Variants in C16orf74 observed in about 807,000 individuals in gnomAD.
C16orf74 encodes the protein calcimembrin.
In C16orf74, 10 loss-of-function variants were observed where a neutral mutation model predicts 6.5. That is an observed-to-expected ratio of 1.54 (90% confidence interval 0.95 to 2.61). C16orf74 has a LOEUF of 2.61. C16orf74 is among the 30% of genes most tolerant of loss of function. The probability of loss-of-function intolerance (pLI) is 0.00; values close to 1 mark genes in which losing one functional copy is unlikely to be tolerated. For missense variants in C16orf74, 141 were observed against 105.9 expected (o/e 1.33, Z -1.45); for synonymous variants, 60 against 42.5 (o/e 1.41, Z -1.60).
intron 2 of C16orf74, among the ~76,000 whole-genome samples, chr16:85,712,027 T>C (rs561093618): frequency 2.0e-5 from 3 of 152,204 alleles, no homozygotes; most frequent in East Asian, 3.9e-4. Context: ...ATAAAAGACA[T>C]TGCAACTTCC....
Position 85,710,984 on chromosome 16 carries a change from C to G in C16orf74, c.29-677G>C, listed in dbSNP as rs985550946. 1.3e-5 allele frequency: 2 copies of G among 152,244 alleles called. 1 individual carries two copies. Among genetic ancestry groups the G allele is most frequent in the African/African-American group, 4.8e-5 (2 of 41,458 alleles). 9.4% of individuals were successfully genotyped at this position (152,244 alleles called of 1,614,324 possible). ...TCATCTGTGTTTCCCTTGAGCCTAG[C>G]GCATGCTCGAGACAGAGTAAGTAGG... On this transcript the variant is annotated intron_variant, in intron 2 of 3. Coordinates refer to ENST00000284245, the MANE Select transcript of C16orf74 (RefSeq NM_206967.3).
At chr16:85,709,493 A>ATGT (rs1555582905) in intron 3 of C16orf74, among the ~76,000 whole-genome samples, 18 of 84,446 alleles carry the variant, frequency 2.1e-4, no homozygotes, top group African/African-American at 7.2e-4. Context: ...ACCATCCCCA[A>ATGT]TGTTATTATT....
intron 1 of C16orf74, among the ~76,000 whole-genome samples, chr16:85,739,769 T>C (rs2054282625): frequency 6.6e-6 from 1 of 152,054 alleles, no homozygotes; most frequent in African/African-American, 2.4e-5. Flanking sequence ...GTCACTGCAC[T>C]ACCTGGGAGA....
intron 2 of C16orf74, among the ~76,000 whole-genome samples, chr16:85,722,694 C>T (rs1377510769): frequency 6.6e-6 from 1 of 152,072 alleles, no homozygotes; most frequent in African/African-American, 2.4e-5. Flanking sequence ...GCCTATGTTG[C>T]CCAGGCAACC....
chr16:85,733,037 C>A (rs1331003618), intron 2 of C16orf74, among the ~76,000 whole-genome samples: 1 of 152,212 alleles, frequency 6.6e-6, no homozygotes, highest in African/African-American at 2.4e-5. Flanking sequence ...GGTCTACCTT[C>A]CTGATCAAGT....
chr16:85,709,810 G>A (rs1384028416), intron 3 of C16orf74, among the ~76,000 whole-genome samples: 3 of 152,336 alleles, frequency 2.0e-5, no homozygotes, highest in South Asian at 2.1e-4. Context: ...AAACTGCAGC[G>A]GCCAACAAGA....
chr16:85,717,255 C>T (rs2054034831), intron 2 of C16orf74, among the ~76,000 whole-genome samples: 1 of 152,228 alleles, frequency 6.6e-6, no homozygotes, highest in South Asian at 2.1e-4. Flanking sequence ...GCCCTCCTAG[C>T]TCCAGGACAG....
chr16:85,736,671 C>T (rs981931571), intron 1 of C16orf74, among the ~76,000 whole-genome samples: 9 of 152,178 alleles, frequency 5.9e-5, no homozygotes, highest in Non-Finnish European at 1.5e-5. Flanking sequence ...TTCCCCATTG[C>T]ACTAGCTGGG....
Position 85,708,075 on chromosome 16 carries a change from A to C in C16orf74, c.173-9T>G. 6.4e-7 allele frequency: 1 copy of C among 1,552,574 alleles called. No homozygotes were observed. Among genetic ancestry groups the C allele is most frequent in the Non-Finnish European group, 8.7e-7 (1 of 1,147,266 alleles). ...TGTCTCATCCAGCCAGACTAGGAGAAAGAGGGGATGGACACCTGGATGCAC... is the reference window on the plus strand; with the variant it reads ...TGTCTCATCCAGCCAGACTAGGAGACAGAGGGGATGGACACCTGGATGCAC... On this transcript the variant is annotated splice_polypyrimidine_tract_variant and intron_variant, in intron 3 of 3. Coordinates refer to ENST00000284245, the MANE Select transcript of C16orf74 (RefSeq NM_206967.3).
chr16:85,736,304 G>A (rs950166951), intron 1 of C16orf74, among the ~76,000 whole-genome samples: 4 of 152,158 alleles, frequency 2.6e-5, no homozygotes, highest in African/African-American at 9.7e-5. Flanking sequence ...TGGCCCTCAT[G>A]TGCAGGCTGT....
intron 2 of C16orf74, among the ~76,000 whole-genome samples, chr16:85,733,423 G>T (rs1018748626): frequency 6.6e-6 from 1 of 152,172 alleles, no homozygotes; most frequent in Non-Finnish European, 1.5e-5. Context: ...GTTTAACGGG[G>T]ACAGAGTTTC....
chr16:85,728,737 C>T (rs116518324), intron 2 of C16orf74, among the ~76,000 whole-genome samples: 3,308 of 152,318 alleles, frequency 0.022, 124 homozygotes, highest in African/African-American at 0.075. Flanking sequence ...AGACCTGACC[C>T]AGGAGATCTT....
At chr16:85,716,048 G>T (rs1016379370) in intron 2 of C16orf74, among the ~76,000 whole-genome samples, 1 of 151,874 alleles carries the variant, frequency 6.6e-6, no homozygotes, top group Non-Finnish European at 1.5e-5. Context: ...GCTGATGATC[G>T]TGTCTGTAAC....
intron 1 of C16orf74, among the ~76,000 whole-genome samples, chr16:85,745,878 C>T (rs2079892179): frequency 1.3e-5 from 2 of 152,212 alleles, no homozygotes; most frequent in South Asian, 4.1e-4. Context: ...CTTCAGTTAC[C>T]ACTTGTGTGG....
chr16:85,741,438 G>A (rs901607072), intron 1 of C16orf74, among the ~76,000 whole-genome samples: 1 of 152,104 alleles, frequency 6.6e-6, no homozygotes, highest in Non-Finnish European at 1.5e-5. Flanking sequence ...GAGGATGGGG[G>A]ACCAGGAGCA....
intron 2 of C16orf74, among the ~76,000 whole-genome samples, chr16:85,722,038 G>A (rs556858674): frequency 7.4e-6 from 1 of 135,322 alleles, no homozygotes; most frequent in East Asian, 2.2e-4. Context: ...TTGCCAGGTG[G>A]AACTCAAACT....
intron 2 of C16orf74, among the ~76,000 whole-genome samples, chr16:85,725,448 T>C (rs1274575031): frequency 6.6e-6 from 1 of 152,176 alleles, no homozygotes; most frequent in Admixed American, 6.5e-5. Context: ...AGAGCACCAG[T>C]GCCTGGGACC....
At chr16:85,745,010 G>A (rs141673503) in intron 1 of C16orf74, among the ~76,000 whole-genome samples, 5,365 of 148,136 alleles carry the variant, frequency 0.036, 145 homozygotes, top group Non-Finnish European at 0.057. Flanking sequence ...GCATTGTGGC[G>A]CACGCCTGTA....
chr16:85,722,365 A>G (rs2152060610), intron 2 of C16orf74, among the ~76,000 whole-genome samples: 1 of 152,276 alleles, frequency 6.6e-6, no homozygotes, highest in East Asian at 1.9e-4. Flanking sequence ...TTGCTACTTG[A>G]GCGAACTGGG....
Sources: allele counts gnomAD v4.1 joint callset (sites outside exome capture counted in the v4.1 genomes callset), GRCh38; gene constraint gnomAD v4.1.1; transcripts MANE v1.5; gene names NCBI Gene and HGNC (gene_info 2026-07-23, HGNC 2026-07-21).